The following UNC5C variants were observed in gnomAD, a reference collection of about 807,000 sequenced individuals.
UNC5C encodes unc-5 netrin receptor C, also known as netrin receptor UNC5C.
In UNC5C, 47 loss-of-function variants were observed where a neutral mutation model predicts 99.8. The ratio of observed to expected loss-of-function variants is 0.47; its 90% CI spans 0.37 to 0.60. The LOEUF (loss-of-function observed/expected upper bound fraction) is 0.60. UNC5C is among the 20% of genes least tolerant of loss of function. The pLI is 0.00. For missense variants in UNC5C, 1,062 were observed against 1,165.9 expected (o/e 0.91, Z 1.30); for synonymous variants, 487 against 452.2 (o/e 1.08, Z -0.98).
At chr4:95,223,465 A>G (rs926111403) in intron 7 of UNC5C, among the ~76,000 whole-genome samples, 1 of 152,216 alleles carries the variant, frequency 6.6e-6, no homozygotes, top group African/African-American at 2.4e-5. Flanking sequence ...GCACTTCCGT[A>G]GTTTGCCGAA....
chr4:95,411,539 C>T (rs1313871472), intron 1 of UNC5C, among the ~76,000 whole-genome samples: 2 of 152,136 alleles, frequency 1.3e-5, no homozygotes, highest in Non-Finnish European at 2.9e-5. Flanking sequence ...TGAATGTTCA[C>T]ATATGTTTAG....
At chr4:95,261,098 T>A (rs1051022571) in intron 4 of UNC5C, among the ~76,000 whole-genome samples, 1 of 152,220 alleles carries the variant, frequency 6.6e-6, no homozygotes, top group South Asian at 2.1e-4. Flanking sequence ...CCAACTACAG[T>A]GCTACAGACT....
chr4:95,478,086 C>T lies in UNC5C; in HGVS notation c.124+70648G>A, dbSNP rs973283852. 3.9e-5 allele frequency among the ~76,000 whole-genome samples: 6 copies of T among 151,936 alleles called. 1 individual carries two copies. The highest frequency in any genetic ancestry group is 1.4e-4 in the African/African-American group (6 of 41,462). The stretch of plus-strand genomic sequence containing the variant: ...ACTAGGTTTTTTAGCTCACTCCTAC[C>T]ACTCCCAAAACCCAATACCAAATTT... On this transcript the variant is annotated intron_variant, in intron 1 of 15. Transcript: ENST00000453304.
At chr4:95,440,671 A>C (rs1451458502) in intron 1 of UNC5C, among the ~76,000 whole-genome samples, 1 of 151,898 alleles carries the variant, frequency 6.6e-6, no homozygotes, top group Non-Finnish European at 1.5e-5. Flanking sequence ...GATTCCGAAG[A>C]CCTGACACCG....
At chr4:95,415,390 C>G (rs1459717579) in intron 1 of UNC5C, among the ~76,000 whole-genome samples, 2 of 151,986 alleles carry the variant, frequency 1.3e-5, no homozygotes, top group African/African-American at 4.8e-5. Context: ...AGCTTCCTAT[C>G]CCTAACGTGG....
At chr4:95,369,203 C>T (rs1166924188) in intron 1 of UNC5C, among the ~76,000 whole-genome samples, 1 of 149,746 alleles carries the variant, frequency 6.7e-6, no homozygotes, top group African/African-American at 2.5e-5. Flanking sequence ...CAATTTGGTG[C>T]TAAATTTTTA....
At chr4:95,464,520 C>G (rs1055227790) in intron 1 of UNC5C, among the ~76,000 whole-genome samples, 12 of 151,996 alleles carry the variant, frequency 7.9e-5, no homozygotes, top group Admixed American at 2.0e-4. Flanking sequence ...TAAAATAGAG[C>G]TATTTTAAAT....
chr4:95,302,837 C>T (rs1215580378), intron 2 of UNC5C, among the ~76,000 whole-genome samples: 1 of 152,128 alleles, frequency 6.6e-6, no homozygotes, highest in Non-Finnish European at 1.5e-5. Flanking sequence ...TAAGATAGTC[C>T]TTCCCCTCAA....
In UNC5C at chr4:95,321,685, T is replaced by C. The variant is rs1742697359; in HGVS notation, c.346+13725A>G. Among the ~76,000 whole-genome samples the C allele has an allele frequency of 3.9e-5, 6 of 152,342 alleles. No homozygotes were observed. The South Asian group carries it at 1.2e-3, about 32-fold the overall frequency. The stretch of plus-strand genomic sequence containing the variant: ...TTAATGTTTGAATCTTCATACTGTA[T>C]AGAAAATTTTAATAGCATCTATTTA... On this transcript the variant is annotated intron_variant, in intron 2 of 15. Transcript: ENST00000453304.
intron 1 of UNC5C, among the ~76,000 whole-genome samples, chr4:95,340,216 T>TAAATATCAAGC (rs1743514791): frequency 6.6e-6 from 1 of 152,126 alleles, no homozygotes; most frequent in Non-Finnish European, 1.5e-5. Context: ...GCCTTAATTT[T>TAAATATCAAGC]CATCAACTTA....
chr4:95,481,349 G>A (rs988463720), intron 1 of UNC5C, among the ~76,000 whole-genome samples: 2 of 151,944 alleles, frequency 1.3e-5, no homozygotes, highest in Non-Finnish European at 2.9e-5. Flanking sequence ...ACTGCTCAAC[G>A]AAATAAAAGA....
chr4:95,284,200 C>T (rs576274676), intron 3 of UNC5C, among the ~76,000 whole-genome samples: 1 of 152,142 alleles, frequency 6.6e-6, no homozygotes, highest in African/African-American at 2.4e-5. Context: ...ATTCTGCAAA[C>T]ATTAGCTCTG....
intron 1 of UNC5C, among the ~76,000 whole-genome samples, chr4:95,347,378 T>C (rs768802258): frequency 7.2e-5 from 11 of 151,738 alleles, no homozygotes; most frequent in South Asian, 2.1e-4. Flanking sequence ...AAAATATCAA[T>C]GACATTCTTC....
chr4:95,300,453 T>C (rs1741826399), intron 3 of UNC5C, among the ~76,000 whole-genome samples: 1 of 152,216 alleles, frequency 6.6e-6, no homozygotes, highest in South Asian at 2.1e-4. Context: ...ATTAACACAA[T>C]TTGGAAAACA....
At chr4:95,349,924 T>G (rs1329598181) in intron 1 of UNC5C, among the ~76,000 whole-genome samples, 3 of 152,176 alleles carry the variant, frequency 2.0e-5, no homozygotes, top group Non-Finnish European at 2.9e-5. Context: ...ACTTTCTATT[T>G]GCTGAGACTG....
At chr4:95,224,828 G>T (rs980521194) in intron 7 of UNC5C, among the ~76,000 whole-genome samples, 1 of 149,184 alleles carries the variant, frequency 6.7e-6, no homozygotes, top group African/African-American at 2.5e-5. Context: ...TATCAGGATG[G>T]CCAACTTAGG....
chr4:95,354,821 T>G (rs1325168918), intron 1 of UNC5C, among the ~76,000 whole-genome samples: 1 of 152,046 alleles, frequency 6.6e-6, no homozygotes, highest in African/African-American at 2.4e-5. Context: ...TCTCTGACTC[T>G]CTTCACCTGT....
intron 1 of UNC5C, among the ~76,000 whole-genome samples, chr4:95,389,826 A>T (rs1410624356): frequency 6.6e-6 from 1 of 152,136 alleles, no homozygotes; most frequent in African/African-American, 2.4e-5. Flanking sequence ...TAGTTTAAAA[A>T]TATTAGTTAC....
In UNC5C at chr4:95,162,944, C is replaced by T. The variant is rs940467826; in HGVS notation, c.*6290G>A. ...TGACACTGCCTCTTCAACACGACTG[C>T]TGGGGATTTTTCTCTGACAAACATT... On this transcript the variant is annotated 3_prime_UTR_variant, in exon 16 of 16. Transcript: ENST00000453304. 6.6e-6 allele frequency: 1 copy of T among 152,188 alleles called. No individual in the cohort carries two copies. The highest frequency in any genetic ancestry group is 2.4e-5 in the African/African-American group (1 of 41,444). 9.4% of individuals were successfully genotyped at this position (152,188 alleles called of 1,614,324 possible).
Sources: gnomAD v4.1 joint callset for allele counts (sites outside exome capture counted in the v4.1 genomes callset) on GRCh38, gnomAD v4.1.1 for gene constraint, MANE v1.5 for transcripts, NCBI Gene and HGNC (gene_info 2026-07-23, HGNC 2026-07-21) for gene names.